The following PAK2 variants were observed in gnomAD, a reference collection of about 807,000 sequenced individuals.
The protein encoded by PAK2 is p21 (RAC1) activated kinase 2.
PAK2 carries 21 observed loss-of-function variants against 65.9 expected under a neutral mutation model. The ratio of observed to expected loss-of-function variants is 0.32; its 90% CI spans 0.23 to 0.46. PAK2 has a LOEUF of 0.46. PAK2 is among the 20% of genes least tolerant of loss of function. PAK2 has a pLI of 1.00. For synonymous variants in PAK2, 204 were observed against 219.7 expected, an observed-to-expected ratio of 0.93 and a Z score of 0.63; for missense variants, 324 against 642.6, an observed-to-expected ratio of 0.50 and a Z score of 5.36.
intron 2 of PAK2, among the ~76,000 whole-genome samples, chr3:196,798,704 T>TA (rs777242595): frequency 1.3e-5 from 2 of 152,166 alleles, no homozygotes. Flanking sequence ...AAAAGGGTAA[T>TA]ACATCATGAC....
chr3:196,818,612 C>T (rs1003715429), intron 12 of PAK2, among the ~76,000 whole-genome samples: 17 of 152,132 alleles, frequency 1.1e-4, no homozygotes, highest in East Asian at 3.8e-4. Flanking sequence ...GGTATCTTCC[C>T]GCCTCAGCCT....
chr3:196,767,949 T>G (rs556392356), intron 1 of PAK2, among the ~76,000 whole-genome samples: 3 of 152,168 alleles, frequency 2.0e-5, no homozygotes, highest in African/African-American at 7.2e-5. Context: ...GAGCACAGTA[T>G]TGCTAGTGAC....
At chr3:196,767,839 A>T (rs1714224256) in intron 1 of PAK2, among the ~76,000 whole-genome samples, 1 of 152,102 alleles carries the variant, frequency 6.6e-6, no homozygotes, top group Non-Finnish European at 1.5e-5. Flanking sequence ...AACTATACTA[A>T]AAGCCATTAT....
rs1715965671 is a variant in PAK2 at position 196,815,160 on chromosome 3, A to G, written c.1053+592A>G. Among the ~76,000 whole-genome samples, 3 of 151,638 alleles carry G rather than the reference A, an allele frequency of 2.0e-5. No homozygotes were observed. The South Asian group carries it at 6.2e-4, about 32-fold the overall frequency. On this transcript the variant is annotated intron_variant, in intron 11 of 14. Transcript: ENST00000327134. ...ACACCACTGCACTCCAGCCTGGGCAACAGAGCGAGAGTCCGTCTCAAAAAA... is the reference window on the plus strand; with the variant it reads ...ACACCACTGCACTCCAGCCTGGGCAGCAGAGCGAGAGTCCGTCTCAAAAAA...
chr3:196,800,265 C>T (rs2108754728), intron 2 of PAK2, among the ~76,000 whole-genome samples: 1 of 152,110 alleles, frequency 6.6e-6, no homozygotes, highest in South Asian at 2.1e-4. Context: ...GCCTGTAATC[C>T]CAGCTCCTCA....
rs13093569 is a variant in PAK2 at position 196,798,889 on chromosome 3, C to T, written c.188-3038C>T. On this transcript the variant is annotated intron_variant, in intron 2 of 14. Coordinates refer to ENST00000327134, the MANE Select transcript of PAK2 (RefSeq NM_002577.4). ...GCAAACTTGGAATAGAAGAGAATGC[C>T]CTTTAGCCTCATAAAGGACATCTTT... Among the ~76,000 whole-genome samples the T allele has an allele frequency of 9.4e-3, 1,426 of 152,102 alleles. 11 individuals are homozygous for T. The highest frequency in any genetic ancestry group is 0.029 in the South Asian group (138 of 4,818).
At position 196,791,748 on chromosome 3, in the gene PAK2, C is replaced by T. The variant is rs995595687; in HGVS notation, c.187+8915C>T. ...GACCATCCTGGCTAACAAGGTGAAACCCCGTCTCTACTAAAAATACAAAAA... is the reference window on the plus strand; with the variant it reads ...GACCATCCTGGCTAACAAGGTGAAATCCCGTCTCTACTAAAAATACAAAAA... On this transcript the variant is annotated intron_variant, in intron 2 of 14. Coordinates refer to ENST00000327134, the MANE Select transcript of PAK2 (RefSeq NM_002577.4). The surrounding 1 kb of genome is among the most constrained non-coding windows in gnomAD (Gnocchi z 4.0). 3.3e-5 allele frequency among the ~76,000 whole-genome samples: 5 copies of T among 151,868 alleles called. No individual in the cohort carries two copies. The highest frequency in any genetic ancestry group is 9.7e-5 in the African/African-American group (4 of 41,352).
intron 2 of PAK2, among the ~76,000 whole-genome samples, chr3:196,796,399 G>A (rs576173211): frequency 1.3e-5 from 2 of 152,322 alleles, no homozygotes; most frequent in East Asian, 3.9e-4. Flanking sequence ...AGACAAAGTA[G>A]ATTGGTGGTT....
chr3:196,803,842 G>C (rs184461457), intron 4 of PAK2, among the ~76,000 whole-genome samples: 99 of 152,306 alleles, frequency 6.5e-4, no homozygotes, highest in Non-Finnish European at 1.1e-3. Flanking sequence ...GTTAACCTAT[G>C]AGAGAACCAG....
At chr3:196,744,922 TTTC>T (rs1209136882) in intron 1 of PAK2, among the ~76,000 whole-genome samples, 8 of 109,092 alleles carry the variant, frequency 7.3e-5, no homozygotes, top group Non-Finnish European at 1.5e-4. Context: ...TGCATTTAAA[TTTC>T]TTTTTTCTTT....
Position 196,782,763 on chromosome 3 carries a change from T to A in PAK2, c.117T>A (p.Pro39=). The A allele has an allele frequency of 3.1e-6, 5 of 1,613,642 alleles. No homozygotes were observed. The highest frequency in any genetic ancestry group is 4.2e-6 in the Non-Finnish European group (5 of 1,179,534). ...TGTCAGCCAATCACAGTTTGAAACC[T>A]TTGCCCTCTGTTCCAGAAGAGAAAA... ...DPLSANHSLK[P]LPSVPEEKKP... The change falls in exon 2 of 15, where the codon CCT becomes CCA. Residue 39 remains proline, a synonymous_variant. Transcript: ENST00000327134.
At chr3:196,825,859 T>G (rs1711845429) in intron 13 of PAK2, among the ~76,000 whole-genome samples, 1 of 152,158 alleles carries the variant, frequency 6.6e-6, no homozygotes, top group Non-Finnish European at 1.5e-5. Context: ...GTTTTTATTT[T>G]TGAGACAGAG....
chr3:196,827,386 G>A (rs1466505003), intron 14 of PAK2, 53 bp downstream of exon 14: 14 of 1,570,942 alleles, frequency 8.9e-6, no homozygotes, highest in Admixed American at 5.7e-5. Flanking sequence ...TTTGGTAACC[G>A]ACAGAAAGCT....
intron 1 of PAK2, among the ~76,000 whole-genome samples, chr3:196,759,853 C>A (rs530873425): frequency 1.4e-4 from 22 of 151,970 alleles, no homozygotes; most frequent in African/African-American, 4.8e-4. Flanking sequence ...AGTGTGCTCA[C>A]AAAGTTATAC....
At chr3:196,807,300 C>T (rs1332196005) in intron 6 of PAK2, among the ~76,000 whole-genome samples, 1 of 152,096 alleles carries the variant, frequency 6.6e-6, no homozygotes, top group Non-Finnish European at 1.5e-5. Flanking sequence ...CCTCTGGATG[C>T]CAAGCTGATG....
intron 13 of PAK2, among the ~76,000 whole-genome samples, chr3:196,822,865 G>A (rs1249636111): frequency 1.3e-5 from 2 of 152,086 alleles, no homozygotes; most frequent in Non-Finnish European, 1.5e-5. Flanking sequence ...AAGCAGGAGC[G>A]TTCCTTGTGT....
chr3:196,796,404 G>T (rs1715262238), intron 2 of PAK2, among the ~76,000 whole-genome samples: 2 of 152,188 alleles, frequency 1.3e-5, no homozygotes, highest in South Asian at 4.1e-4. Context: ...AAGTAGATTG[G>T]TGGTTGCCTG....
At chr3:196,795,224 T>C (rs992383930) in intron 2 of PAK2, among the ~76,000 whole-genome samples, 1 of 150,756 alleles carries the variant, frequency 6.6e-6, no homozygotes, top group African/African-American at 2.4e-5. Context: ...GGGAGGCCAG[T>C]GTGGGAGGAT....
intron 1 of PAK2, among the ~76,000 whole-genome samples, chr3:196,777,154 G>A (rs1714561642): frequency 6.6e-6 from 1 of 152,056 alleles, no homozygotes; most frequent in South Asian, 2.1e-4. Context: ...GACATGTAAT[G>A]GGTTTGTTGT....
Sources: gnomAD v4.1 joint callset for allele counts (sites outside exome capture counted in the v4.1 genomes callset) on GRCh38, gnomAD v4.1.1 for gene constraint, Gnocchi (gnomAD v3.1) non-coding constraint, MANE v1.5 for transcripts, NCBI Gene and HGNC (gene_info 2026-07-23, HGNC 2026-07-21) for gene names.